The following SLC9A7 variants were observed in gnomAD, a reference collection of about 807,000 sequenced individuals.
SLC9A7 encodes the protein sodium/hydrogen exchanger 7.
SLC9A7 carries 19 observed loss-of-function variants against 52.6 expected under a neutral mutation model. The ratio of observed to expected loss-of-function variants is 0.36; its 90% confidence interval spans 0.25 to 0.53. The LOEUF is 0.53. Ranked by LOEUF, SLC9A7 falls within the 20% of genes least tolerant of loss-of-function variation. The pLI is 0.91. For missense variants in SLC9A7, 455 were observed against 597.9 expected (o/e 0.76, Z 2.49); for synonymous variants, 226 against 252.1 (o/e 0.90, Z 0.98).
At chrX:46,666,313 T>C (rs1043347044) in intron 5 of SLC9A7, among the ~76,000 whole-genome samples, 2 of 111,439 alleles carry the variant, frequency 1.8e-5, no homozygotes, top group Non-Finnish European at 3.8e-5. Flanking sequence ...TCTACTATGT[T>C]GCCCAGGCTG....
rs1942727979 is a variant in SLC9A7 at position 46,605,355 on chromosome X, G to T, written c.*1597C>A. 1 of 111,406 alleles carries T rather than the reference G, an allele frequency of 9.0e-6. No homozygotes were observed. Among genetic ancestry groups the T allele is most frequent in the Admixed American group, 9.5e-5 (1 of 10,481 alleles). 9.2% of individuals were successfully genotyped at this position (111,406 alleles called of 1,213,427 possible). A position where few individuals can be genotyped will look rare whatever the true frequency, so the allele number is the denominator to read the frequency against. ...GTCTTTCTGTATTTCAGCACTACAG[G>T]TGTGGGCAGACAGAACAGCTCATCC... On this transcript the variant is annotated 3_prime_UTR_variant, in exon 17 of 17. Coordinates refer to ENST00000616978, the MANE Select transcript of SLC9A7 (RefSeq NM_001257291.2).
chrX:46,697,026 ACCT>A (rs1172125455), intron 1 of SLC9A7, among the ~76,000 whole-genome samples: 1 of 111,194 alleles, frequency 9.0e-6, no homozygotes. Context: ...TTCTTCAGTA[ACCT>A]CCTAACTGGT....
At chrX:46,630,943 C>CAGCT (rs754764626) in intron 14 of SLC9A7, among the ~76,000 whole-genome samples, 10 of 112,520 alleles carry the variant, frequency 8.9e-5, no homozygotes, top group African/African-American at 3.2e-4. Flanking sequence ...TGCTGGCAGG[C>CAGCT]AGCTCAGGCC....
rs1051972665 is a variant in SLC9A7 at position 46,603,407 on chromosome X, A to G, written c.*3545T>C. The G allele has an allele frequency of 8.9e-6, 1 of 112,467 alleles. No individual in the cohort carries two copies. Among genetic ancestry groups the G allele is most frequent in the Non-Finnish European group, 1.9e-5 (1 of 53,304 alleles). 9.3% of individuals were successfully genotyped at this position (112,467 alleles called of 1,213,427 possible). A position where few individuals can be genotyped will look rare whatever the true frequency, so the allele number is the denominator to read the frequency against. On this transcript the variant is annotated 3_prime_UTR_variant, in exon 17 of 17. Transcript: ENST00000616978. ...GAGTAGATCAGAATCAAATGTTTGC[A>G]GTGAAGACTACAAGACCCTTTGGGG... is the stretch of plus-strand genomic sequence containing the variant.
chrX:46,644,367 G>A (rs982778162), intron 11 of SLC9A7, among the ~76,000 whole-genome samples: 17 of 112,281 alleles, frequency 1.5e-4, no homozygotes, highest in African/African-American at 5.5e-4. Context: ...CGGGTGTGGT[G>A]GCTCACACCT....
chrX:46,732,089 G>A, intron 1 of SLC9A7, among the ~76,000 whole-genome samples: 1 of 110,286 alleles, frequency 9.1e-6, no homozygotes, highest in East Asian at 2.8e-4. Context: ...AGGCATGGTG[G>A]CAGGCGCCTG....
rs748825481 is a variant in SLC9A7 at position 46,662,557 on chromosome X, C to T, written c.880G>A (p.Val294Ile). 1.5e-5 allele frequency: 18 copies of T among 1,205,097 alleles called. No homozygotes were observed. The South Asian group carries it at 2.5e-4, about 17-fold the overall frequency. ...ACTTACGAGGACAGTACAATGGCAA[C>T]AGCATCATTTAGGACGCTCTCTCCA... ...LFGESVLNDA[V>I]AIVLSSSIVA... Residue 294 changes from valine (V) to isoleucine (I), a missense_variant, in exon 6 of 17, where the codon GTT (valine) becomes ATT (isoleucine). Val to Ile is a conservative substitution (Grantham distance 29, BLOSUM62 3). This residue lies in a region of SLC9A7 where 304 missense variants were observed against 417.8 expected (regional missense o/e 0.73). Coordinates refer to ENST00000616978, the MANE Select transcript of SLC9A7 (RefSeq NM_001257291.2).
At position 46,679,711 on chromosome X, in the gene SLC9A7, T is replaced by G; in HGVS notation, c.570A>C (p.Pro190=). The G allele has an allele frequency of 8.3e-7, 1 of 1,201,834 alleles. No homozygotes were observed. Among genetic ancestry groups the G allele is most frequent in the Non-Finnish European group, 1.1e-6 (1 of 889,810 alleles). Residue 190 remains proline, a synonymous_variant, in exon 3 of 17, where the codon CCA becomes CCC. Coordinates refer to ENST00000616978, the MANE Select transcript of SLC9A7 (RefSeq NM_001257291.2). ...PEVFFNILLP[P]IIFHAGYSLK... is the part of the protein sequence containing the mutation. ...AGCTGTATCCAGCATGAAAAATAAT[T>G]GGAGGCAGAAGAATGTTGAAAAATA...
intron 7 of SLC9A7, among the ~76,000 whole-genome samples, chrX:46,654,982 C>CTT (rs60881484): frequency 3.2e-4 from 27 of 83,587 alleles, no homozygotes; most frequent in South Asian, 5.5e-4. Context: ...TTCTTTCTTT[C>CTT]TTTTTTTTTT....
intron 11 of SLC9A7, chrX:46,646,713 C>T (rs897474802): frequency 1.7e-5 from 5 of 288,203 alleles, no homozygotes; most frequent in Middle Eastern, 1.2e-3. Flanking sequence ...TCATAGACAA[C>T]GAGAATAGCA....
Position 46,750,256 on chromosome X carries a change from A to G in SLC9A7, c.325+8449T>C, listed in dbSNP as rs188534536. ...ATCCTTTAATAGATCCCAATTTCCC[A>G]ATTTCAAACATGTGACCTTAAACAA... is the stretch of plus-strand genomic sequence containing the variant. On this transcript the variant is annotated intron_variant, in intron 1 of 16. Coordinates refer to ENST00000616978, the MANE Select transcript of SLC9A7 (RefSeq NM_001257291.2). 2.8e-3 allele frequency among the ~76,000 whole-genome samples: 314 copies of G among 111,515 alleles called. 4 individuals are homozygous for G. The highest frequency in any genetic ancestry group is 9.9e-3 in the African/African-American group (305 of 30,723).
chrX:46,748,544 A>AGTGTGTGT (rs200266669), intron 1 of SLC9A7, among the ~76,000 whole-genome samples: 1 of 94,421 alleles, frequency 1.1e-5, no homozygotes, highest in East Asian at 3.5e-4. Flanking sequence ...ATAAATGTGG[A>AGTGTGTGT]GTGTGTGTGT....
intron 1 of SLC9A7, among the ~76,000 whole-genome samples, chrX:46,700,028 C>T (rs1361999754): frequency 9.2e-6 from 1 of 109,275 alleles, no homozygotes; most frequent in Non-Finnish European, 1.9e-5. Flanking sequence ...TCACTTGAAC[C>T]CAGGAGTTTG....
At chrX:46,730,691 T>TATATAG (rs1569524459) in intron 1 of SLC9A7, among the ~76,000 whole-genome samples, 11 of 72,455 alleles carry the variant, frequency 1.5e-4, no homozygotes, top group African/African-American at 4.8e-4. Context: ...TATATATATA[T>TATATAG]ATATATATAT....
At chrX:46,720,656 G>A (rs1569523339) in intron 1 of SLC9A7, among the ~76,000 whole-genome samples, 2 of 110,396 alleles carry the variant, frequency 1.8e-5, no homozygotes, top group Non-Finnish European at 1.9e-5. Flanking sequence ...ACTTCCCACT[G>A]CCATCTGCCC....
At chrX:46,671,749 A>G (rs1374369511) in intron 4 of SLC9A7, among the ~76,000 whole-genome samples, 1 of 112,301 alleles carries the variant, frequency 8.9e-6, no homozygotes, top group Non-Finnish European at 1.9e-5. Context: ...ATCAAGGTAC[A>G]TACTATCAAC....
chrX:46,641,848 A>G (rs1943410914), intron 12 of SLC9A7, among the ~76,000 whole-genome samples: 1 of 112,185 alleles, frequency 8.9e-6, no homozygotes, highest in African/African-American at 3.2e-5. Context: ...CAGTTTCCCC[A>G]ACTCTAAAAT....
At chrX:46,608,473 A>G (rs941318645) in intron 16 of SLC9A7, among the ~76,000 whole-genome samples, 29 of 112,180 alleles carry the variant, frequency 2.6e-4, no homozygotes, top group African/African-American at 9.4e-4. Context: ...TGCTGCTTCA[A>G]ATCCTCACTG....
intron 1 of SLC9A7, among the ~76,000 whole-genome samples, chrX:46,721,315 G>T (rs934163975): frequency 9.0e-6 from 1 of 111,583 alleles, no homozygotes; most frequent in East Asian, 2.8e-4. Flanking sequence ...TAATGGTAGA[G>T]AACACACAAG....
Sources: allele counts gnomAD v4.1 joint callset (sites outside exome capture counted in the v4.1 genomes callset), GRCh38; gene constraint gnomAD v4.1.1; regional missense constraint gnomAD v4.1.1; transcripts MANE v1.5; gene names NCBI Gene and HGNC (gene_info 2026-07-23, HGNC 2026-07-21).